SLC12A3: variants seen among roughly 807,000 people sequenced by gnomAD.
SLC12A3 encodes solute carrier family 12 member 3.
In SLC12A3, 104 loss-of-function variants were observed where a neutral mutation model predicts 121.0. That is an observed-to-expected ratio of 0.86 (90% CI 0.73 to 1.01). SLC12A3 has a LOEUF of 1.01. Ranked by LOEUF, SLC12A3 falls within the 50% of genes least tolerant of loss-of-function variation. The probability of loss-of-function intolerance (pLI) is 0.00; values close to 1 mark genes in which losing one functional copy is unlikely to be tolerated. For synonymous variants in SLC12A3, 536 were observed against 533.4 expected (o/e 1.00, Z -0.07); for missense variants, 1,328 against 1,356.3 (o/e 0.98, Z 0.33).
In SLC12A3 at chr16:56,890,311, A is replaced by C. The variant is rs2055371296; in HGVS notation, c.2323A>C (p.Arg775=). The C allele has an allele frequency of 1.2e-6, 2 of 1,614,020 alleles. No individual in the cohort carries two copies. The highest frequency in any genetic ancestry group is 1.7e-6 in the Non-Finnish European group (2 of 1,180,016). ...TTTCAACTATGGCGTGTGTGTCATG[A>C]GGATGCGGGAGGGACTCAACGTGTC... is the stretch of plus-strand genomic sequence containing the variant. ...FDFNYGVCVM[R]MREGLNVSKM... is the part of the protein sequence containing the mutation. The change falls in exon 19 of 26, where the codon AGG becomes CGG. Residue 775 remains arginine (R), a synonymous_variant. Coordinates refer to ENST00000563236, the MANE Select transcript of SLC12A3 (RefSeq NM_001126108.2).
At chr16:56,912,912 A>C (rs1212575869) in intron 25 of SLC12A3, among the ~76,000 whole-genome samples, 2 of 152,102 alleles carry the variant, frequency 1.3e-5, no homozygotes, top group Non-Finnish European at 2.9e-5. Context: ...GGAGAACGTC[A>C]AGTGCAAAGG....
chr16:56,880,320 G>T, intron 12 of SLC12A3, 67 bp downstream of exon 12: 1 of 1,528,674 alleles, frequency 6.5e-7, no homozygotes, highest in Non-Finnish European at 8.8e-7. Context: ...AGGGTCTTGG[G>T]GGCCGGGCTC....
At chr16:56,872,926 G>A in intron 8 of SLC12A3, 140 bp downstream of exon 8, 2 of 1,121,304 alleles carry the variant, frequency 1.8e-6, no homozygotes. Flanking sequence ...ACTCAGCTCA[G>A]TTCAACCCAA....
intron 13 of SLC12A3, 91 bp downstream of exon 13, chr16:56,882,588 G>T (rs1183875139): frequency 1.1e-6 from 1 of 929,442 alleles, no homozygotes; most frequent in Admixed American, 1.7e-5. Flanking sequence ...ATGGGTGGAG[G>T]TTGGCAGCCC....
At chr16:56,889,539 C>T (rs149186134) in intron 18 of SLC12A3, among the ~76,000 whole-genome samples, 2 of 152,246 alleles carry the variant, frequency 1.3e-5, no homozygotes, top group African/African-American at 4.8e-5. Context: ...TGCAATGGTG[C>T]GATCTTGGCT....
chr16:56,888,503 C>G (rs1270139642), intron 18 of SLC12A3, among the ~76,000 whole-genome samples: 2 of 146,042 alleles, frequency 1.4e-5, no homozygotes, highest in Non-Finnish European at 3.0e-5. Context: ...AGAATGGGCT[C>G]TAGTGCCCGT....
chr16:56,907,743 A>G (rs1471395931), intron 25 of SLC12A3, among the ~76,000 whole-genome samples: 2 of 151,984 alleles, frequency 1.3e-5, no homozygotes, highest in Non-Finnish European at 2.9e-5. Flanking sequence ...CACTAATCCT[A>G]TTCATAGGTC....
rs773544889 is a variant in SLC12A3, at chr16:56,882,445, C to T, written c.1617C>T (p.Ser539=). 2 of 1,614,036 alleles carry T rather than the reference C, an allele frequency of 1.2e-6. No homozygotes were observed. Among genetic ancestry groups the T allele is most frequent in the East Asian group, 2.2e-5 (1 of 44,886 alleles). ...APIISNFFLC[S]YALINFSCFH... is the part of the protein sequence containing the mutation. ...TCATTTCCAACTTCTTCCTCTGCTC[C>T]TATGCCCTCATCAACTTCAGCTGCT... is the stretch of plus-strand genomic sequence containing the variant. The change falls in exon 13 of 26, where the codon TCC becomes TCT. Residue 539 remains serine (S), a synonymous_variant. Coordinates refer to ENST00000563236, the MANE Select transcript of SLC12A3 (RefSeq NM_001126108.2).
At chr16:56,911,626 CAT>C (rs2055687084) in intron 25 of SLC12A3, among the ~76,000 whole-genome samples, 1 of 152,132 alleles carries the variant, frequency 6.6e-6, no homozygotes, top group African/African-American at 2.4e-5. Context: ...TGGCCCGGGA[CAT>C]TGCTTTTTAA....
chr16:56,893,428 T>C (rs2055417377), intron 21 of SLC12A3, among the ~76,000 whole-genome samples: 1 of 152,156 alleles, frequency 6.6e-6, no homozygotes, highest in Non-Finnish European at 1.5e-5. Context: ...GCTTTATTGC[T>C]CCTACCTTTG....
intron 21 of SLC12A3, 100 bp downstream of exon 21, chr16:56,893,154 G>A: frequency 1.0e-6 from 1 of 963,908 alleles, no homozygotes; most frequent in Non-Finnish European, 1.6e-6. Context: ...AGGGGACAGG[G>A]GCTCCTGGGC....
chr16:56,902,660 G>C (rs2055555085), intron 24 of SLC12A3, 152 bp downstream of exon 24: 2 of 937,046 alleles, frequency 2.1e-6, no homozygotes, highest in South Asian at 1.5e-5. Context: ...CAGTCGTTCA[G>C]GCTGATGGGT....
Position 56,878,078 on chromosome 16 carries a change from A to G in SLC12A3, c.1097A>G (p.Asp366Gly). 1 of 1,062,988 alleles carries G rather than the reference A, an allele frequency of 9.4e-7. No homozygotes were observed. The highest frequency in any genetic ancestry group is 6.3e-5 in the East Asian group (1 of 15,838). The allele number at this position is 1,062,988 out of a possible 1,614,324, so 65.8% of individuals were successfully genotyped here. A position where few individuals can be genotyped will look rare whatever the true frequency, so the allele number is the denominator to read the frequency against. The change falls in exon 9 of 26, where the codon GAC becomes GGC. Residue 366 changes from aspartate (D) to glycine (G), a missense_variant and splice_region_variant. Coordinates refer to ENST00000563236, the MANE Select transcript of SLC12A3 (RefSeq NM_001126108.2). ...TCCCTCTCTCCCTCCCTCCTTCAGG[A>G]CCCTGCTATAGCCATCCCCAAGGGG... ...AGANISGDLK[D>G]PAIAIPKGTL...
intron 11 of SLC12A3, 26 bp from the exon 12 acceptor site, chr16:56,880,104 G>A: frequency 6.3e-7 from 1 of 1,599,874 alleles, no homozygotes; most frequent in African/African-American, 1.3e-5. Flanking sequence ...CCAGCCTAAG[G>A]GTGAGTGCGG....
In SLC12A3 at chr16:56,900,592, G is replaced by A. The variant is rs148304044; in HGVS notation, c.2720+976G>A. ...GTCACCCAGGCTGGAGTGCAGTGGC[G>A]CAATCCCAGCTCACTGCAACCTCTG... On this transcript the variant is annotated intron_variant, in intron 23 of 25. Transcript: ENST00000563236. 6.7e-3 allele frequency among the ~76,000 whole-genome samples: 1,016 copies of A among 151,798 alleles called. 13 individuals are homozygous for A. The highest frequency in any genetic ancestry group is 0.023 in the African/African-American group (952 of 41,320).
In SLC12A3 at chr16:56,879,667, G is replaced by T; in HGVS notation, c.1443+18G>T. The T allele has an allele frequency of 1.3e-6, 2 of 1,589,178 alleles. No individual in the cohort carries two copies. Among genetic ancestry groups the T allele is most frequent in the Non-Finnish European group, 8.6e-7 (1 of 1,160,048 alleles). On this transcript the variant is annotated intron_variant, in intron 11 of 25. Transcript: ENST00000563236. ...TCTTCCAGGTGAGGCCGCAGAAAGGGGTCGAGATGACAGGGGGTGGGGAGC... is the reference window on the plus strand; with the variant it reads ...TCTTCCAGGTGAGGCCGCAGAAAGGTGTCGAGATGACAGGGGGTGGGGAGC...
At chr16:56,879,670 CG>C (rs767553114) in intron 11 of SLC12A3, 21 bp downstream of exon 11, 1 of 1,578,084 alleles carries the variant, frequency 6.3e-7, no homozygotes. Flanking sequence ...AGAAAGGGGT[CG>C]AGATGACAGG....
At chr16:56,893,136 G>A in intron 21 of SLC12A3, 82 bp downstream of exon 21, 1 of 1,165,212 alleles carries the variant, frequency 8.6e-7, no homozygotes, top group Non-Finnish European at 1.3e-6. Flanking sequence ...TTCCTGGCCT[G>A]CTCTCAAAGG....
chr16:56,890,379 C>T (rs753589370), intron 19 of SLC12A3, 23 bp downstream of exon 19: 34 of 1,601,896 alleles, frequency 2.1e-5, no homozygotes, highest in Non-Finnish European at 2.8e-5. Flanking sequence ...CCCACCCACT[C>T]CCAGAAAGTT....
Sources: allele counts gnomAD v4.1 joint callset (sites outside exome capture counted in the v4.1 genomes callset), GRCh38; gene constraint gnomAD v4.1.1; transcripts MANE v1.5; gene names NCBI Gene and HGNC (gene_info 2026-07-23, HGNC 2026-07-21).